Variants in RIPOR2 observed in about 807,000 individuals in gnomAD.
RIPOR2 encodes rho family-interacting cell polarization regulator 2.
A neutral mutation model predicts 114.5 loss-of-function variants in RIPOR2; 39 were observed. That is an observed-to-expected ratio of 0.34 (90% CI 0.26 to 0.44). The LOEUF (loss-of-function observed/expected upper bound fraction) is 0.44, where lower values mean the gene tolerates loss of function less well. RIPOR2 is among the 20% of genes least tolerant of loss of function. RIPOR2 has a pLI of 1.00. For missense variants in RIPOR2, 1,007 were observed against 1,255.1 expected (o/e 0.80, Z 2.99); for synonymous variants, 445 against 484.4 (o/e 0.92, Z 1.07).
intron 1 of RIPOR2, among the ~76,000 whole-genome samples, chr6:24,882,385 A>G (rs1474333972): frequency 6.6e-6 from 1 of 152,240 alleles, no homozygotes; most frequent in Non-Finnish European, 1.5e-5. Context: ...GTGAATCTTC[A>G]AACTCACTTG....
At chr6:24,930,786 GCAAAGAGTGA>G (rs1023062647) in intron 1 of RIPOR2, among the ~76,000 whole-genome samples, 3 of 152,202 alleles carry the variant, frequency 2.0e-5, no homozygotes, top group Non-Finnish European at 4.4e-5. Flanking sequence ...AATTGTGAAA[GCAAAGAGTGA>G]CCAATTCTTT....
At chr6:25,039,198 CA>C (rs1476979145) in intron 1 of RIPOR2, among the ~76,000 whole-genome samples, 2 of 152,222 alleles carry the variant, frequency 1.3e-5, no homozygotes, top group African/African-American at 4.8e-5. Flanking sequence ...TTAGCAGCTG[CA>C]AAATATTGTT....
chr6:25,005,726 T>TAC (rs1268706718), intron 1 of RIPOR2, among the ~76,000 whole-genome samples: 2 of 107,410 alleles, frequency 1.9e-5, no homozygotes, highest in African/African-American at 3.2e-5. Context: ...TATATATATA[T>TAC]ATATATATAT....
intron 5 of RIPOR2, among the ~76,000 whole-genome samples, chr6:24,869,452 G>A (rs1764946847): frequency 1.3e-5 from 2 of 151,740 alleles, no homozygotes; most frequent in African/African-American, 4.8e-5. Flanking sequence ...CAAGTAGCTG[G>A]GATTACAGGT....
chr6:24,986,953 G>A (rs1281532656), intron 1 of RIPOR2, among the ~76,000 whole-genome samples: 2 of 151,834 alleles, frequency 1.3e-5, no homozygotes, highest in African/African-American at 2.4e-5. Context: ...ATCTCATAAT[G>A]TTTTTAAAAA....
chr6:25,033,222 G>C (rs1436903439), intron 1 of RIPOR2, among the ~76,000 whole-genome samples: 1 of 145,174 alleles, frequency 6.9e-6, no homozygotes, highest in African/African-American at 2.6e-5. Flanking sequence ...AAAAAAAAAA[G>C]TTTTATGGTT....
intron 1 of RIPOR2, among the ~76,000 whole-genome samples, chr6:24,990,438 T>C (rs1272843422): frequency 6.6e-6 from 1 of 152,218 alleles, no homozygotes; most frequent in Admixed American, 6.5e-5. Flanking sequence ...GATACCTGGA[T>C]GCTCAGAGCT....
At chr6:24,994,916 A>G (rs1356085235) in intron 1 of RIPOR2, among the ~76,000 whole-genome samples, 3 of 152,160 alleles carry the variant, frequency 2.0e-5, no homozygotes, top group Non-Finnish European at 4.4e-5. Context: ...CTGACAGCCA[A>G]TGGAGCTCAC....
At chr6:25,000,584 G>T (rs1284793376) in intron 1 of RIPOR2, among the ~76,000 whole-genome samples, 1 of 151,450 alleles carries the variant, frequency 6.6e-6, no homozygotes, top group Admixed American at 6.6e-5. Flanking sequence ...ACAATGTTAG[G>T]CTACATTGTT....
chr6:24,922,947 A>G (rs779748487), intron 1 of RIPOR2, among the ~76,000 whole-genome samples: 1 of 152,072 alleles, frequency 6.6e-6, no homozygotes, highest in African/African-American at 2.4e-5. Flanking sequence ...TCAGTAGTGT[A>G]AAGTACATTC....
chr6:24,933,599 G>A (rs1452984406), intron 1 of RIPOR2, among the ~76,000 whole-genome samples: 1 of 152,204 alleles, frequency 6.6e-6, no homozygotes, highest in Non-Finnish European at 1.5e-5. Context: ...TAAGTTAAAT[G>A]AGATAATCAG....
intron 5 of RIPOR2, 66 bp from the exon 6 acceptor site, chr6:24,869,213 A>T: frequency 1.3e-6 from 1 of 753,982 alleles, no homozygotes; most frequent in Non-Finnish European, 2.2e-6. Context: ...GCTTGTGAGA[A>T]TATCTTGATT....
At chr6:24,912,187 A>T (rs1769675786) in intron 1 of RIPOR2, among the ~76,000 whole-genome samples, 1 of 152,238 alleles carries the variant, frequency 6.6e-6, no homozygotes, top group Non-Finnish European at 1.5e-5. Flanking sequence ...CTAGACTGTG[A>T]GTTCATAGGG....
At chr6:24,972,126 C>T (rs1284046044) in intron 1 of RIPOR2, among the ~76,000 whole-genome samples, 1 of 151,862 alleles carries the variant, frequency 6.6e-6, no homozygotes, top group Non-Finnish European at 1.5e-5. Flanking sequence ...TTTACTTGAT[C>T]GAACCAAATT....
chr6:24,990,031 T>TA (rs1282562106), intron 1 of RIPOR2, among the ~76,000 whole-genome samples: 13 of 150,106 alleles, frequency 8.7e-5, no homozygotes, highest in African/African-American at 3.0e-4. Flanking sequence ...TCTCAAAAAA[T>TA]AAAAATAAAA....
intron 1 of RIPOR2, among the ~76,000 whole-genome samples, chr6:24,894,694 C>G (rs1256901035): frequency 6.6e-6 from 1 of 152,180 alleles, no homozygotes; most frequent in Non-Finnish European, 1.5e-5. Flanking sequence ...CTTTCATATC[C>G]CATAACCATT....
intron 7 of RIPOR2, among the ~76,000 whole-genome samples, chr6:24,864,130 T>C (rs552094699): frequency 2.0e-5 from 3 of 152,126 alleles, no homozygotes; most frequent in African/African-American, 7.2e-5. Context: ...ATAGTAAAAC[T>C]CCGTCTCTAC....
chr6:24,949,997 A>G (rs868646307), intron 1 of RIPOR2, among the ~76,000 whole-genome samples: 1 of 152,216 alleles, frequency 6.6e-6, no homozygotes, highest in Admixed American at 6.5e-5. Flanking sequence ...CTCTCTCACT[A>G]TATTCACTGC....
Position 24,839,184 on chromosome 6 carries a change from G to C in RIPOR2, c.1946C>G (p.Ser649Cys). The C allele has an allele frequency of 6.4e-7, 1 of 1,551,716 alleles. No individual in the cohort carries two copies. The highest frequency in any genetic ancestry group is 8.7e-7 in the Non-Finnish European group (1 of 1,146,988). ...ALESFDFLNT[S>C]DFDEEEDGDE... ...ACCATCCTCCTCCTCGTCAAAATCAGAGGTGTTCAGGAAATCAAAGCTTTC... is the reference window on the plus strand; with the variant it reads ...ACCATCCTCCTCCTCGTCAAAATCACAGGTGTTCAGGAAATCAAAGCTTTC... Residue 649 changes from serine (S) to cysteine (C), a missense_variant, in exon 14 of 22, where the codon TCT (serine) becomes TGT (cysteine). Ser to Cys is a moderately radical substitution (Grantham distance 112). Coordinates refer to ENST00000643898, the MANE Select transcript of RIPOR2 (RefSeq NM_001286445.3).
Sources: gnomAD v4.1 joint callset for allele counts (sites outside exome capture counted in the v4.1 genomes callset) on GRCh38, gnomAD v4.1.1 for gene constraint, MANE v1.5 for transcripts, NCBI Gene and HGNC (gene_info 2026-07-23, HGNC 2026-07-21) for gene names.